IL1RAPL2: variants seen among roughly 807,000 people sequenced by gnomAD.
IL1RAPL2 encodes X-linked interleukin-1 receptor accessory protein-like 2.
A neutral mutation model predicts 44.1 loss-of-function variants in IL1RAPL2; 3 were observed. That is an observed-to-expected ratio of 0.07 (90% CI 0.03 to 0.18). The LOEUF (loss-of-function observed/expected upper bound fraction) is 0.18, where lower values mean the gene tolerates loss of function less well. Among genes scored for constraint, IL1RAPL2 ranks in the 10% least tolerant of loss-of-function variants. The pLI is 1.00. For synonymous variants in IL1RAPL2, 181 were observed against 178.8 expected (o/e 1.01, Z -0.10); for missense variants, 391 against 496.4 (o/e 0.79, Z 2.02).
intron 2 of IL1RAPL2, among the ~76,000 whole-genome samples, chrX:105,091,087 G>C (rs1244940315): frequency 8.9e-6 from 1 of 111,790 alleles, no homozygotes; most frequent in Non-Finnish European, 1.9e-5. Context: ...AATTGCAGGT[G>C]GTTTTAAAAC....
intron 1 of IL1RAPL2, among the ~76,000 whole-genome samples, chrX:104,607,857 G>T (rs1289834466): frequency 8.9e-6 from 1 of 111,950 alleles, no homozygotes; most frequent in Non-Finnish European, 1.9e-5. Context: ...AATACCATTT[G>T]ACCCAGCAAT....
At chrX:104,683,051 A>G (rs1483290219) in intron 2 of IL1RAPL2, among the ~76,000 whole-genome samples, 1 of 111,421 alleles carries the variant, frequency 9.0e-6, no homozygotes, top group East Asian at 2.9e-4. Context: ...GTAAGAAGGG[A>G]CCGGATCTAT....
intron 2 of IL1RAPL2, among the ~76,000 whole-genome samples, chrX:104,966,813 A>G (rs1274613197): frequency 8.9e-6 from 1 of 112,743 alleles, no homozygotes; most frequent in East Asian, 2.8e-4. Flanking sequence ...GTAGTGTAAA[A>G]TCAGTCTTAA....
intron 2 of IL1RAPL2, among the ~76,000 whole-genome samples, chrX:105,024,648 T>C (rs931290725): frequency 9.0e-6 from 1 of 111,565 alleles, no homozygotes; most frequent in Admixed American, 9.6e-5. Context: ...ATATTTGTTA[T>C]ACTTCTCCAA....
intron 1 of IL1RAPL2, among the ~76,000 whole-genome samples, chrX:104,585,752 G>T (rs190488161): frequency 1.8e-5 from 2 of 109,583 alleles, no homozygotes; most frequent in Non-Finnish European, 3.8e-5. Context: ...CTCCATCCAT[G>T]TTGCTGCAAA....
chrX:104,949,459 A>G (rs1163889293), intron 2 of IL1RAPL2, among the ~76,000 whole-genome samples: 1 of 106,330 alleles, frequency 9.4e-6, no homozygotes, highest in Non-Finnish European at 1.9e-5. Context: ...GCCTTCTGCT[A>G]GCTTTTGAAT....
At chrX:105,091,606 C>T (rs2032543751) in intron 2 of IL1RAPL2, among the ~76,000 whole-genome samples, 1 of 111,897 alleles carries the variant, frequency 8.9e-6, no homozygotes, top group Non-Finnish European at 1.9e-5. Flanking sequence ...CACTGGTCTT[C>T]AAAAGTCTGA....
chrX:105,371,266 T>C (rs1052908635), intron 5 of IL1RAPL2, among the ~76,000 whole-genome samples: 8 of 112,254 alleles, frequency 7.1e-5, no homozygotes, highest in African/African-American at 2.6e-4. Context: ...TTTATCTTCA[T>C]TGCAATTGCT....
chrX:105,711,391 C>A (rs934879931), intron 6 of IL1RAPL2, among the ~76,000 whole-genome samples: 2 of 110,455 alleles, frequency 1.8e-5, no homozygotes, highest in African/African-American at 6.6e-5. Flanking sequence ...TACTAGGAGT[C>A]CACTCTCTCT....
At chrX:105,609,779 G>A (rs1410206906) in intron 6 of IL1RAPL2, among the ~76,000 whole-genome samples, 5 of 111,655 alleles carry the variant, frequency 4.5e-5, no homozygotes, top group East Asian at 2.8e-4. Flanking sequence ...CAACAGATCA[G>A]GCAGGCAACA....
At chrX:105,631,837 C>G (rs1230366444) in intron 6 of IL1RAPL2, among the ~76,000 whole-genome samples, 1 of 111,579 alleles carries the variant, frequency 9.0e-6, no homozygotes, top group Non-Finnish European at 1.9e-5. Context: ...CCTGTGGACT[C>G]TGGCTTTTGA....
At chrX:105,072,001 A>G (rs1274590024) in intron 2 of IL1RAPL2, among the ~76,000 whole-genome samples, 3 of 111,957 alleles carry the variant, frequency 2.7e-5, no homozygotes, top group African/African-American at 9.7e-5. Flanking sequence ...GGCAACTGAT[A>G]TAGTTTGGAT....
Position 105,313,800 on chromosome X carries a change from A to T in IL1RAPL2, c.697+46259A>T, listed in dbSNP as rs371216539. 1.5e-4 allele frequency among the ~76,000 whole-genome samples: 17 copies of T among 111,467 alleles called. No homozygotes were observed. In the East Asian group the frequency reaches 4.2e-3, roughly 28 times the overall value. ...AACATAACTGCTTTGTTACTCACCA[A>T]AGTTTAGGTAAATAAATTTATGGCA... On this transcript the variant is annotated intron_variant, in intron 5 of 10. Transcript: ENST00000372582.
At chrX:105,081,405 G>A (rs1286527021) in intron 2 of IL1RAPL2, among the ~76,000 whole-genome samples, 2 of 111,374 alleles carry the variant, frequency 1.8e-5, no homozygotes, top group East Asian at 5.6e-4. Flanking sequence ...TGAATTATTA[G>A]AACCTTTTCA....
At chrX:105,433,715 G>C (rs757993839) in intron 5 of IL1RAPL2, among the ~76,000 whole-genome samples, 5 of 111,322 alleles carry the variant, frequency 4.5e-5, no homozygotes, top group Non-Finnish European at 9.4e-5. Context: ...AGTGACCAGA[G>C]ATTACAGTTG....
At chrX:105,054,800 C>T (rs898802079) in intron 2 of IL1RAPL2, among the ~76,000 whole-genome samples, 1 of 111,700 alleles carries the variant, frequency 9.0e-6, no homozygotes, top group African/African-American at 3.3e-5. Context: ...TCTTTTTAGC[C>T]TAAATTGTCT....
intron 2 of IL1RAPL2, among the ~76,000 whole-genome samples, chrX:105,163,381 A>G (rs2033343736): frequency 8.9e-6 from 1 of 111,854 alleles, no homozygotes. Context: ...AAGAAAGAAT[A>G]CAAAAGGGTC....
chrX:105,736,335 A>T (rs2038448418), intron 7 of IL1RAPL2, among the ~76,000 whole-genome samples: 1 of 110,746 alleles, frequency 9.0e-6, no homozygotes, highest in Non-Finnish European at 1.9e-5. Context: ...CAAAGATGCC[A>T]AAAGCAATTG....
At chrX:105,483,416 G>A (rs115860805) in intron 5 of IL1RAPL2, among the ~76,000 whole-genome samples, 2,699 of 111,094 alleles carry the variant, frequency 0.024, 82 homozygotes, top group African/African-American at 0.083. Context: ...TTTGTGCCTT[G>A]GTTTATGTTG....
Sources: gnomAD v4.1 joint callset for allele counts (sites outside exome capture counted in the v4.1 genomes callset) on GRCh38, gnomAD v4.1.1 for gene constraint, MANE v1.5 for transcripts, NCBI Gene and HGNC (gene_info 2026-07-23, HGNC 2026-07-21) for gene names.